CDH13: variants seen among roughly 807,000 people sequenced by gnomAD.
CDH13 encodes the protein cadherin-13.
A neutral mutation model predicts 63.8 loss-of-function variants in CDH13; 24 were observed. The ratio of observed to expected loss-of-function variants is 0.38; its 90% CI spans 0.27 to 0.53. The LOEUF (loss-of-function observed/expected upper bound fraction) is 0.53. Ranked by LOEUF, CDH13 falls within the 20% of genes least tolerant of loss-of-function variation. The probability of loss-of-function intolerance (pLI) is 0.85; values close to 1 mark genes in which losing one functional copy is unlikely to be tolerated. For synonymous variants in CDH13, 503 were observed against 355.3 expected (o/e 1.42, Z -4.67); for missense variants, 1,049 against 903.1 (o/e 1.16, Z -2.07).
chr16:83,119,018 C>T (rs527921202), intron 3 of CDH13, among the ~76,000 whole-genome samples: 53 of 152,290 alleles, frequency 3.5e-4, no homozygotes, highest in African/African-American at 1.2e-3. Context: ...ATGCCAGAGT[C>T]CTCACTGTCC....
chr16:83,632,583 G>T (rs1910882977), intron 8 of CDH13, among the ~76,000 whole-genome samples: 1 of 151,472 alleles, frequency 6.6e-6, no homozygotes, highest in Non-Finnish European at 1.5e-5. Context: ...TTATCCTCAA[G>T]TGCCCCACGG....
At chr16:83,681,571 C>G (rs1385361720) in intron 10 of CDH13, among the ~76,000 whole-genome samples, 1 of 152,150 alleles carries the variant, frequency 6.6e-6, no homozygotes, top group Non-Finnish European at 1.5e-5. Context: ...TTCTCCCCTT[C>G]ACTCCCTCCT....
chr16:83,278,456 A>G (rs1183184679), intron 5 of CDH13, among the ~76,000 whole-genome samples: 1 of 152,226 alleles, frequency 6.6e-6, no homozygotes, highest in East Asian at 1.9e-4. Flanking sequence ...GAGGACGTGC[A>G]AAGCCAAGCC....
chr16:82,791,739 G>C (rs113005541), intron 1 of CDH13, among the ~76,000 whole-genome samples: 1 of 152,154 alleles, frequency 6.6e-6, no homozygotes, highest in Admixed American at 6.5e-5. Flanking sequence ...CATTGTTCCC[G>C]CAAGGCTAAG....
intron 6 of CDH13, among the ~76,000 whole-genome samples, chr16:83,361,302 A>G (rs1223464330): frequency 2.6e-5 from 4 of 152,126 alleles, no homozygotes; most frequent in African/African-American, 7.2e-5. Context: ...TTGTTGAATT[A>G]TTTAAGTTCC....
intron 3 of CDH13, among the ~76,000 whole-genome samples, chr16:83,052,701 C>A (rs1349973237): frequency 1.4e-5 from 2 of 144,698 alleles, no homozygotes; most frequent in African/African-American, 5.2e-5. Flanking sequence ...TGCTTGAACC[C>A]AGAAGACAGA....
intron 4 of CDH13, among the ~76,000 whole-genome samples, chr16:83,195,825 C>G (rs1456968438): frequency 2.0e-5 from 3 of 152,144 alleles, no homozygotes; most frequent in Non-Finnish European, 4.4e-5. Flanking sequence ...ACAAACGTGT[C>G]CAACTGCTTC....
chr16:83,460,458 T>C (rs1017362971), intron 6 of CDH13, among the ~76,000 whole-genome samples: 1 of 152,032 alleles, frequency 6.6e-6, no homozygotes, highest in East Asian at 1.9e-4. Context: ...AATAGCAAAA[T>C]AGGAAATGGC....
intron 11 of CDH13, among the ~76,000 whole-genome samples, chr16:83,775,940 A>G (rs1329662006): frequency 6.6e-6 from 1 of 152,142 alleles, no homozygotes; most frequent in Non-Finnish European, 1.5e-5. Flanking sequence ...CCCAGAAATG[A>G]TTGGAGCCAA....
rs563326299 is a variant in CDH13 at position 83,266,081 on chromosome 16, C to T, written c.636+48584C>T. Among the ~76,000 whole-genome samples the T allele has an allele frequency of 2.8e-4, 42 of 152,158 alleles. 1 individual carries two copies. The highest frequency in any genetic ancestry group is 8.9e-4 in the African/African-American group (37 of 41,502). On this transcript the variant is annotated intron_variant, in intron 5 of 13. Transcript: ENST00000567109. ...CATCCCTAGTACCTGAGATTACAGG[C>T]GCCTGCCACCACGTCCGGCTAATTT...
At chr16:83,643,625 T>C (rs1323021020) in intron 8 of CDH13, among the ~76,000 whole-genome samples, 1 of 152,168 alleles carries the variant, frequency 6.6e-6, no homozygotes, top group East Asian at 1.9e-4. Flanking sequence ...CTGCTTTGGG[T>C]GATCTTGGCC....
chr16:83,401,015 C>G (rs1013018154), intron 6 of CDH13, among the ~76,000 whole-genome samples: 3 of 152,114 alleles, frequency 2.0e-5, no homozygotes, highest in African/African-American at 7.2e-5. Flanking sequence ...CCAGCCTGGC[C>G]AACGTGGTGA....
At chr16:82,918,804 G>A (rs1288362978) in intron 2 of CDH13, among the ~76,000 whole-genome samples, 5 of 151,962 alleles carry the variant, frequency 3.3e-5, no homozygotes, top group East Asian at 1.9e-4. Context: ...GAGCCCCTAC[G>A]CCTGGCCCAC....
chr16:83,759,671 A>G (rs774219199), intron 11 of CDH13, among the ~76,000 whole-genome samples: 1 of 152,170 alleles, frequency 6.6e-6, no homozygotes, highest in Non-Finnish European at 1.5e-5. Context: ...CATGCCCTAT[A>G]ATCCCAGCAC....
At chr16:83,257,485 G>A (rs1431056523) in intron 5 of CDH13, among the ~76,000 whole-genome samples, 1 of 152,082 alleles carries the variant, frequency 6.6e-6, no homozygotes, top group Non-Finnish European at 1.5e-5. Flanking sequence ...CTGATGGTAG[G>A]TCCATGATGT....
At chr16:83,784,191 A>G (rs1915724308) in intron 13 of CDH13, among the ~76,000 whole-genome samples, 1 of 152,208 alleles carries the variant, frequency 6.6e-6, no homozygotes, top group Non-Finnish European at 1.5e-5. Flanking sequence ...GTAATTGTGA[A>G]TTAGGAAGTT....
chr16:83,289,755 G>A (rs989366130), intron 5 of CDH13, among the ~76,000 whole-genome samples: 2 of 151,858 alleles, frequency 1.3e-5, no homozygotes, highest in Non-Finnish European at 2.9e-5. Flanking sequence ...TTTGAAATGG[G>A]GATAATAATT....
At chr16:83,148,415 C>G (rs866580118) in intron 4 of CDH13, among the ~76,000 whole-genome samples, 1 of 152,194 alleles carries the variant, frequency 6.6e-6, no homozygotes, top group Non-Finnish European at 1.5e-5. Flanking sequence ...AGAACTAAGA[C>G]GGCAGTAGGA....
intron 4 of CDH13, among the ~76,000 whole-genome samples, chr16:83,133,126 G>C (rs1247138350): frequency 6.6e-6 from 1 of 152,154 alleles, no homozygotes; most frequent in East Asian, 1.9e-4. Context: ...AATTTTAATT[G>C]GGGCTCAAAA....
Sources: allele counts gnomAD v4.1 joint callset (sites outside exome capture counted in the v4.1 genomes callset), GRCh38; gene constraint gnomAD v4.1.1; transcripts MANE v1.5; gene names NCBI Gene and HGNC (gene_info 2026-07-23, HGNC 2026-07-21).